Variants in EML1 observed in about 807,000 individuals in gnomAD.
EML1 encodes EMAP like 1.
EML1 carries 27 observed loss-of-function variants against 110.4 expected under a neutral mutation model. That is an observed-to-expected ratio of 0.24 (90% confidence interval 0.18 to 0.34). The LOEUF (loss-of-function observed/expected upper bound fraction) is 0.34, where lower values mean the gene tolerates loss of function less well. Ranked by LOEUF, EML1 falls within the 10% of genes least tolerant of loss-of-function variation. The pLI, the probability that EML1 is intolerant of heterozygous loss-of-function variation, is 1.00. For missense variants in EML1, 741 were observed against 1,030.9 expected, an observed-to-expected ratio of 0.72 and a Z score of 3.85; for synonymous variants, 344 against 385.8, an observed-to-expected ratio of 0.89 and a Z score of 1.27.
intron 16 of EML1, 52 bp from the exon 17 acceptor site, chr14:99,920,737 C>A (rs937888666): frequency 2.8e-6 from 4 of 1,425,392 alleles, no homozygotes; most frequent in Middle Eastern, 1.8e-4. Context: ...ATTATATAAT[C>A]TTCATTTTCT....
chr14:99,808,605 G>A (rs1463623991), intron 1 of EML1, among the ~76,000 whole-genome samples: 1 of 151,962 alleles, frequency 6.6e-6, no homozygotes, highest in African/African-American at 2.4e-5. Flanking sequence ...GTTCAAAATG[G>A]TCTCTAAATG....
chr14:99,767,774 T>C (rs532733773), intron 1 of EML1, among the ~76,000 whole-genome samples: 1 of 152,314 alleles, frequency 6.6e-6, no homozygotes, highest in Admixed American at 6.5e-5. Context: ...TGGCTTTGTC[T>C]TGCATTACTG....
At chr14:99,871,004 TGGAGTGCAGTG>T (rs2059190829) in intron 3 of EML1, among the ~76,000 whole-genome samples, 1 of 152,154 alleles carries the variant, frequency 6.6e-6, no homozygotes, top group Non-Finnish European at 1.5e-5. Context: ...TCACCCAGGC[TGGAGTGCAGTG>T]GCGCGATTTT....
In EML1 at chr14:99,812,047, T is replaced by A. The variant is rs780069445; in HGVS notation, c.67+18504T>A. Reference sequence around the variant, plus strand: ...GGATCTGCGCAGTTGAAACCCACAGTGTTCAAGAGTCACCCGTACTTATTT... The same window carrying A: ...GGATCTGCGCAGTTGAAACCCACAGAGTTCAAGAGTCACCCGTACTTATTT... On this transcript the variant is annotated intron_variant, in intron 1 of 21. Coordinates refer to ENST00000262233, the MANE Select transcript of EML1 (RefSeq NM_004434.3). 2.6e-5 allele frequency among the ~76,000 whole-genome samples: 4 copies of A among 151,778 alleles called. 1 individual carries two copies. The highest frequency in any genetic ancestry group is 5.9e-5 in the Non-Finnish European group (4 of 67,908).
chr14:99,744,471 A>G (rs1194731363), intron 1 of EML1, among the ~76,000 whole-genome samples: 1 of 152,320 alleles, frequency 6.6e-6, no homozygotes, highest in South Asian at 2.1e-4. Context: ...GCCAGAGGAC[A>G]GAGTGTGTCT....
chr14:99,755,950 A>C (rs1466096807), intron 1 of EML1, among the ~76,000 whole-genome samples: 1 of 152,184 alleles, frequency 6.6e-6, no homozygotes, highest in African/African-American at 2.4e-5. Context: ...AGATAAGCTC[A>C]AGGAACCCGC....
intron 11 of EML1, 62 bp from the exon 12 acceptor site, chr14:99,910,180 C>G: frequency 4.9e-6 from 6 of 1,233,258 alleles, no homozygotes; most frequent in Non-Finnish European, 6.7e-6. Flanking sequence ...GAAAGGTTGT[C>G]TGGAATATAT....
At chr14:99,813,059 CTGTT>C (rs945257429) in intron 1 of EML1, among the ~76,000 whole-genome samples, 7 of 152,128 alleles carry the variant, frequency 4.6e-5, no homozygotes, top group African/African-American at 1.7e-4. Flanking sequence ...ATGTAGTACT[CTGTT>C]TGGCCCAGGA....
chr14:99,786,061 C>CAAAAAAAAAAAAAAAAAA (rs56240053), intron 1 of EML1, among the ~76,000 whole-genome samples: 7 of 120,380 alleles, frequency 5.8e-5, no homozygotes, highest in African/African-American at 2.1e-4. Context: ...CCTGGCTGCT[C>CAAAAAAAAAAAAAAAAAA]AAAAAAAAAA....
intron 2 of EML1, among the ~76,000 whole-genome samples, chr14:99,856,972 T>C (rs1000880693): frequency 1.3e-5 from 2 of 152,200 alleles, no homozygotes; most frequent in South Asian, 4.1e-4. Context: ...ATATAGACTC[T>C]TTTTTAAAGT....
chr14:99,822,057 G>A (rs138214177), intron 1 of EML1, among the ~76,000 whole-genome samples: 32 of 152,268 alleles, frequency 2.1e-4, no homozygotes, highest in Non-Finnish European at 4.4e-4. Context: ...GGATCCGATC[G>A]GTTGCTCGTG....
chr14:99,834,548 C>G (rs1259474624), intron 1 of EML1, among the ~76,000 whole-genome samples: 1 of 152,100 alleles, frequency 6.6e-6, no homozygotes, highest in Non-Finnish European at 1.5e-5. Flanking sequence ...GTTATGCACC[C>G]GTGGCCTCCC....
chr14:99,800,249 C>T (rs981522026), intron 1 of EML1, among the ~76,000 whole-genome samples: 4 of 152,006 alleles, frequency 2.6e-5, no homozygotes, highest in Non-Finnish European at 2.9e-5. Context: ...TGGGGGTGTG[C>T]GAAGGTGTCA....
In EML1 at chr14:99,941,185, A is replaced by C. The variant is rs886932534; in HGVS notation, c.*1073A>C. The stretch of plus-strand genomic sequence containing the variant: ...GATGCGTTAAACGGAGGTGGCAGAA[A>C]TTTGTCAAGAAGGCCTTATCCATTT... On this transcript the variant is annotated 3_prime_UTR_variant, in exon 22 of 22. Coordinates refer to ENST00000262233, the MANE Select transcript of EML1 (RefSeq NM_004434.3). 1 of 152,178 alleles carries C rather than the reference A, an allele frequency of 6.6e-6. No individual in the cohort carries two copies. The highest frequency in any genetic ancestry group is 1.5e-5 in the Non-Finnish European group (1 of 68,042). The allele number at this position is 152,178 out of a possible 1,614,324, so 9.4% of individuals were successfully genotyped here. A position where few individuals can be genotyped will look rare whatever the true frequency, so the allele number is the denominator to read the frequency against.
upstream of EML1, among the ~76,000 whole-genome samples, chr14:99,791,382 G>A (rs950810757): frequency 1.3e-5 from 2 of 152,208 alleles, no homozygotes; most frequent in Non-Finnish European, 2.9e-5. Context: ...AATGTCCTCT[G>A]CTGATTCTCC....
chr14:99,829,081 G>T (rs12879129), intron 1 of EML1, among the ~76,000 whole-genome samples: 40,953 of 152,158 alleles, frequency 0.27, 6,856 homozygotes, highest in South Asian at 0.49. Context: ...ACAGTTCCAG[G>T]AATCCCCTGC....
chr14:99,799,487 C>G (rs2057835218), intron 1 of EML1, among the ~76,000 whole-genome samples: 1 of 152,324 alleles, frequency 6.6e-6, no homozygotes, highest in South Asian at 2.1e-4. Context: ...CATGCAGTGA[C>G]AGAAGACTGA....
chr14:99,884,146 G>A (rs978439412), intron 4 of EML1, among the ~76,000 whole-genome samples: 9 of 152,154 alleles, frequency 5.9e-5, no homozygotes, highest in African/African-American at 1.9e-4. Context: ...GCTGGTCTGC[G>A]GTCGGCTCGC....
At chr14:99,749,893 G>A (rs1400736954) in intron 1 of EML1, among the ~76,000 whole-genome samples, 1 of 152,220 alleles carries the variant, frequency 6.6e-6, no homozygotes. Context: ...GGAATTATTG[G>A]GCCTCTGCCC....
Sources: allele counts gnomAD v4.1 joint callset (sites outside exome capture counted in the v4.1 genomes callset), GRCh38; gene constraint gnomAD v4.1.1; transcripts MANE v1.5; gene names NCBI Gene and HGNC (gene_info 2026-07-23, HGNC 2026-07-21).